Variants in GTPBP10 observed in about 807,000 individuals in gnomAD.
GTPBP10 encodes GTP-binding protein 10.
Under a neutral mutation model 44.8 loss-of-function variants are expected in GTPBP10, and 38 were observed. That is an observed-to-expected ratio of 0.85 (90% CI 0.65 to 1.11). The LOEUF (loss-of-function observed/expected upper bound fraction) is 1.11. Ranked by LOEUF, GTPBP10 falls within the 50% of genes most tolerant of loss-of-function variation. The pLI, the probability that GTPBP10 is intolerant of heterozygous loss-of-function variation, is 0.00. For synonymous variants in GTPBP10, 152 were observed against 150.6 expected (o/e 1.01, Z -0.07); for missense variants, 462 against 453.7 (o/e 1.02, Z -0.17).
At chr7:90,361,714 C>T (rs1477283485) in intron 4 of GTPBP10, among the ~76,000 whole-genome samples, 2 of 152,160 alleles carry the variant, frequency 1.3e-5, no homozygotes, top group Non-Finnish European at 2.9e-5. Flanking sequence ...GGTACCAGCT[C>T]CTCCTTGTAC....
At position 90,347,497 on chromosome 7, in the gene GTPBP10, T is replaced by C. The variant is rs1272583550; in HGVS notation, c.33+723T>C. On this transcript the variant is annotated intron_variant, in intron 1 of 9. Transcript: ENST00000222511. ...ATCAGAATGGTCAATATTTCAACTT[T>C]CTTGAAAAAAAAATCCCATTTGTTT... The C allele has an allele frequency of 1.2e-5, 5 of 431,600 alleles. No homozygotes were observed. In the Admixed American group the frequency reaches 3.2e-4, roughly 28 times the overall value. The allele number at this position is 431,600 out of a possible 1,614,324, so 26.7% of individuals were successfully genotyped here. A position where few individuals can be genotyped will look rare whatever the true frequency, so the allele number is the denominator to read the frequency against.
chr7:90,366,683 G>A (rs1584637836), intron 4 of GTPBP10, among the ~76,000 whole-genome samples: 1 of 146,348 alleles, frequency 6.8e-6, no homozygotes, highest in South Asian at 2.1e-4. Context: ...TTCTTTATTG[G>A]TTTTGCTAGC....
At chr7:90,381,781 C>T (rs549477813) in intron 8 of GTPBP10, among the ~76,000 whole-genome samples, 7 of 152,200 alleles carry the variant, frequency 4.6e-5, no homozygotes, top group East Asian at 3.9e-4. Context: ...AGTTAATTTT[C>T]GACAAAGGTA....
chr7:90,380,211 T>C (rs2115761582), intron 8 of GTPBP10, among the ~76,000 whole-genome samples: 1 of 151,970 alleles, frequency 6.6e-6, no homozygotes, highest in African/African-American at 2.4e-5. Context: ...CCCCAGTAGC[T>C]GGGATTACAG....
chr7:90,384,510 A>G (rs1796488485), intron 9 of GTPBP10, among the ~76,000 whole-genome samples: 1 of 152,176 alleles, frequency 6.6e-6, no homozygotes. Flanking sequence ...ACTGAGGCCA[A>G]GTAGAATGTC....
chr7:90,346,727 T>C lies in GTPBP10; in HGVS notation c.-15T>C. On this transcript the variant is annotated 5_prime_UTR_variant, in exon 1 of 10. Transcript: ENST00000222511. ...GTGCCGCTTCCGCAAGAAGGTTTCC[T>C]GGCCTGTTGCAGCCATGGTGCATTG... 6.2e-7 allele frequency: 1 copy of C among 1,614,228 alleles called. No homozygotes were observed. Among genetic ancestry groups the C allele is most frequent in the Non-Finnish European group, 8.5e-7 (1 of 1,180,022 alleles).
intron 1 of GTPBP10, among the ~76,000 whole-genome samples, chr7:90,349,345 T>C (rs1314586787): frequency 6.6e-6 from 1 of 152,166 alleles, no homozygotes; most frequent in African/African-American, 2.4e-5. Context: ...TAGAGGCTGA[T>C]TTACAGACAT....
At chr7:90,383,706 C>T (rs779222773) in intron 9 of GTPBP10, 1 of 152,144 alleles carries the variant, frequency 6.6e-6, no homozygotes, top group Non-Finnish European at 1.5e-5. Flanking sequence ...TTGCAGAACA[C>T]CTTCTATCCT....
intron 2 of GTPBP10, among the ~76,000 whole-genome samples, chr7:90,354,028 C>T (rs145765698): frequency 4.5e-4 from 68 of 151,902 alleles, no homozygotes; most frequent in African/African-American, 1.3e-3. Flanking sequence ...GAAATGGGGT[C>T]GTGCTATGGT....
In GTPBP10 at chr7:90,389,471, C is replaced by A. The variant is rs1314056097; in HGVS notation, c.*4317C>A. ...ACATTATCTTGGCTCACTGCAGCCT[C>A]TGATTCCCTGGTTCAAGCAATTCTC... On this transcript the variant is annotated 3_prime_UTR_variant, in exon 10 of 10. Coordinates refer to ENST00000222511, the MANE Select transcript of GTPBP10 (RefSeq NM_033107.4). 1 of 151,992 alleles carries A rather than the reference C, an allele frequency of 6.6e-6. No individual in the cohort carries two copies. The highest frequency in any genetic ancestry group is 1.5e-5 in the Non-Finnish European group (1 of 68,048). The allele number at this position is 151,992 out of a possible 1,614,324, so 9.4% of individuals were successfully genotyped here.
At chr7:90,371,232 C>T in intron 4 of GTPBP10, 2 of 937,892 alleles carry the variant, frequency 2.1e-6, no homozygotes, top group Non-Finnish European at 2.5e-6. Context: ...CCTGTATACA[C>T]ATTTTTTACA....
intron 4 of GTPBP10, among the ~76,000 whole-genome samples, chr7:90,360,901 G>T (rs1796005525): frequency 6.6e-6 from 1 of 152,134 alleles, no homozygotes. Flanking sequence ...TGAAGCAATT[G>T]TGAATGGGCG....
chr7:90,361,433 A>G (rs1796019294), intron 4 of GTPBP10, among the ~76,000 whole-genome samples: 1 of 152,102 alleles, frequency 6.6e-6, no homozygotes, highest in Non-Finnish European at 1.5e-5. Context: ...GCTGGATTAC[A>G]TTTATTGCTT....
Position 90,384,850 on chromosome 7 carries a change from G to T in GTPBP10, c.902-42G>T, listed in dbSNP as rs114771596. On this transcript the variant is annotated intron_variant, in intron 9 of 9. Coordinates refer to ENST00000222511, the MANE Select transcript of GTPBP10 (RefSeq NM_033107.4). Reference sequence around the variant, plus strand: ...ATTAACATGGTTTTAACTAACTTTCGAAAACAATGGAAATCAGCTTTGTTT... The same window carrying T: ...ATTAACATGGTTTTAACTAACTTTCTAAAACAATGGAAATCAGCTTTGTTT... 2,564 of 1,542,532 alleles carry T rather than the reference G, an allele frequency of 1.7e-3. 40 individuals carry two copies. The African/African-American group carries it at 0.031, about 18-fold the overall frequency.
chr7:90,362,704 T>C (rs174069), intron 4 of GTPBP10, among the ~76,000 whole-genome samples: 119,877 of 152,114 alleles, frequency 0.79, 47,361 homozygotes, highest in East Asian at 0.89. Flanking sequence ...CTTTCTGTCT[T>C]GTTGATCTGT....
At chr7:90,368,137 T>C (rs1463193605) in intron 4 of GTPBP10, among the ~76,000 whole-genome samples, 2 of 152,366 alleles carry the variant, frequency 1.3e-5, no homozygotes, top group East Asian at 3.8e-4. Flanking sequence ...GTAGGGTTTC[T>C]GCCAAGAGAT....
chr7:90,379,787 C>A (rs939870803), intron 8 of GTPBP10, among the ~76,000 whole-genome samples: 2 of 152,178 alleles, frequency 1.3e-5, no homozygotes, highest in Non-Finnish European at 1.5e-5. Flanking sequence ...TACAGTCCCA[C>A]CATCAATGTA....
In GTPBP10 at chr7:90,385,798, T is replaced by C. The variant is rs1316610918; in HGVS notation, c.*644T>C. ...GGCCAGGCATGGTGGCTCATGCCTGTAATCCCAGCACTTTTCGGAGGCCGA... is the reference window on the plus strand; with the variant it reads ...GGCCAGGCATGGTGGCTCATGCCTGCAATCCCAGCACTTTTCGGAGGCCGA... On this transcript the variant is annotated 3_prime_UTR_variant, in exon 10 of 10. Coordinates refer to ENST00000222511, the MANE Select transcript of GTPBP10 (RefSeq NM_033107.4). 1 of 151,956 alleles carries C rather than the reference T, an allele frequency of 6.6e-6. No individual in the cohort carries two copies. The highest frequency in any genetic ancestry group is 1.9e-4 in the East Asian group (1 of 5,186). 9.4% of individuals were successfully genotyped at this position (151,956 alleles called of 1,614,324 possible).
intron 4 of GTPBP10, 148 bp downstream of exon 4, chr7:90,355,378 A>G (rs896975707): frequency 2.0e-6 from 1 of 499,378 alleles, no homozygotes; most frequent in Non-Finnish European, 3.4e-6. Flanking sequence ...ATGCTGCTAA[A>G]TATTATTTTC....
Sources: allele counts gnomAD v4.1 joint callset (sites outside exome capture counted in the v4.1 genomes callset), GRCh38; gene constraint gnomAD v4.1.1; transcripts MANE v1.5; gene names NCBI Gene and HGNC (gene_info 2026-07-23, HGNC 2026-07-21).